The following DPP10 variants were observed in gnomAD, a reference collection of about 807,000 sequenced individuals.
DPP10 encodes dipeptidyl peptidase like 10.
Under a neutral mutation model 120.9 loss-of-function variants are expected in DPP10, and 33 were observed. The observed-to-expected ratio is 0.27, with a 90% CI of 0.21 to 0.37. The LOEUF is 0.37. Ranked by LOEUF, DPP10 falls within the 10% of genes least tolerant of loss-of-function variation. DPP10 has a pLI of 1.00. For missense variants in DPP10, 816 were observed against 942.8 expected (o/e 0.87, Z 1.76); for synonymous variants, 337 against 326.1 (o/e 1.03, Z -0.36).
intron 1 of DPP10, among the ~76,000 whole-genome samples, chr2:114,644,593 C>G (rs1395765612): frequency 6.6e-6 from 1 of 151,840 alleles, no homozygotes; most frequent in Admixed American, 6.6e-5. Flanking sequence ...GCCCTGGAAT[C>G]ACCATTTTTT....
chr2:114,729,730 CTA>C (rs1422488779), intron 1 of DPP10, among the ~76,000 whole-genome samples: 1 of 152,170 alleles, frequency 6.6e-6, no homozygotes, highest in Non-Finnish European at 1.5e-5. Flanking sequence ...GGTATAGAGA[CTA>C]TTGTTGTGAT....
rs538992942 is a variant in DPP10 at position 114,853,196 on chromosome 2, G to A, written c.60+410358G>A. ...GATCTCTGGTAAGGGGCTTGAGTGC[G>A]CTTTCTTGGATATTGGAAATGTTTT... On this transcript the variant is annotated intron_variant, in intron 1 of 25. Coordinates refer to ENST00000410059, the MANE Select transcript of DPP10 (RefSeq NM_020868.6). Among the ~76,000 whole-genome samples, 33 of 152,272 alleles carry A rather than the reference G, an allele frequency of 2.2e-4. 1 individual carries two copies. Among genetic ancestry groups the A allele is most frequent in the Admixed American group, 1.0e-3 (16 of 15,298 alleles).
At chr2:115,244,237 TATAGAGAGAGAGAGAGAGAG>T (rs1225631324) in intron 1 of DPP10, among the ~76,000 whole-genome samples, 20 of 67,096 alleles carry the variant, frequency 3.0e-4, no homozygotes, top group African/African-American at 8.0e-4. Context: ...TATATATATA[TATAGAGAGAGAGAGAGAGAG>T]AGAGAGAGAG....
intron 1 of DPP10, among the ~76,000 whole-genome samples, chr2:114,501,591 C>T (rs150616408): frequency 2.0e-5 from 3 of 152,108 alleles, no homozygotes; most frequent in Non-Finnish European, 4.4e-5. Context: ...TGAAATACCC[C>T]GTTAGCAATC....
intron 3 of DPP10, among the ~76,000 whole-genome samples, chr2:115,379,617 CTTTTCTAGTTCT>C (rs1222566972): frequency 5.9e-5 from 9 of 152,016 alleles, no homozygotes; most frequent in Non-Finnish European, 1.3e-4. Flanking sequence ...TTTGCTCTTG[CTTTTCTAGTTCT>C]TTTAATTGTG....
At chr2:115,478,227 T>G (rs1045150579) in intron 3 of DPP10, among the ~76,000 whole-genome samples, 1 of 152,100 alleles carries the variant, frequency 6.6e-6, no homozygotes, top group African/African-American at 2.4e-5. Context: ...ACCAATGGAA[T>G]AGAATAGAGG....
At chr2:114,855,181 A>G (rs1181230383) in intron 1 of DPP10, among the ~76,000 whole-genome samples, 3 of 152,214 alleles carry the variant, frequency 2.0e-5, no homozygotes, top group Admixed American at 6.5e-5. Context: ...GAAACGACAT[A>G]TTAGAGCAAA....
intron 1 of DPP10, among the ~76,000 whole-genome samples, chr2:115,191,878 A>G (rs144392388): frequency 6.6e-6 from 1 of 152,328 alleles, no homozygotes; most frequent in African/African-American, 2.4e-5. Context: ...AAAGTGGAAG[A>G]TAAACCAAGT....
chr2:114,604,092 A>C (rs1409844179), intron 1 of DPP10, among the ~76,000 whole-genome samples: 1 of 152,072 alleles, frequency 6.6e-6, no homozygotes, highest in Non-Finnish European at 1.5e-5. Flanking sequence ...ATGCCTTCCA[A>C]GGAGTCTAAT....
At chr2:114,544,909 T>A (rs933879537) in intron 1 of DPP10, among the ~76,000 whole-genome samples, 3 of 152,060 alleles carry the variant, frequency 2.0e-5, no homozygotes, top group African/African-American at 7.2e-5. Flanking sequence ...TGCAGTGCAG[T>A]GGCGAGATCT....
intron 1 of DPP10, among the ~76,000 whole-genome samples, chr2:114,452,748 G>A (rs376609310): frequency 2.8e-4 from 43 of 152,212 alleles, no homozygotes; most frequent in African/African-American, 8.4e-4. Context: ...TCCCTTAGTA[G>A]AACACCTCCA....
intron 4 of DPP10, among the ~76,000 whole-genome samples, chr2:115,512,465 TTTC>T (rs1385857557): frequency 6.6e-6 from 1 of 151,998 alleles, no homozygotes; most frequent in African/African-American, 2.4e-5. Context: ...TTTCTTTTCT[TTTC>T]TTCTTTCTTT....
intron 16 of DPP10, among the ~76,000 whole-genome samples, chr2:115,782,055 G>A (rs1575761215): frequency 6.6e-6 from 1 of 151,890 alleles, no homozygotes; most frequent in South Asian, 2.1e-4. Flanking sequence ...GTCTATAAAA[G>A]ACTAGAGATA....
At chr2:115,608,153 A>C (rs2083829802) in intron 5 of DPP10, among the ~76,000 whole-genome samples, 1 of 152,086 alleles carries the variant, frequency 6.6e-6, no homozygotes, top group African/African-American at 2.4e-5. Context: ...TTTGAGAGGC[A>C]GAGGCGGGCA....
intron 1 of DPP10, among the ~76,000 whole-genome samples, chr2:115,159,373 T>C (rs1200417887): frequency 6.6e-6 from 1 of 152,036 alleles, no homozygotes; most frequent in African/African-American, 2.4e-5. Context: ...CAGGAGAATG[T>C]TTCTTTAAAA....
At chr2:115,183,116 A>T (rs1486437676) in intron 1 of DPP10, among the ~76,000 whole-genome samples, 1 of 152,230 alleles carries the variant, frequency 6.6e-6, no homozygotes, top group Non-Finnish European at 1.5e-5. Context: ...TGGAATAATA[A>T]GCCTTGTAGA....
chr2:114,907,820 G>A (rs9646899), intron 1 of DPP10, among the ~76,000 whole-genome samples: 41,889 of 151,862 alleles, frequency 0.28, 6,070 homozygotes, highest in African/African-American at 0.38. Context: ...GGCTTATAGT[G>A]TTGTTCAAAC....
In DPP10 at chr2:115,835,949, C is replaced by A. The variant is rs140351376; in HGVS notation, c.1951-208C>A. Among the ~76,000 whole-genome samples, 833 of 151,980 alleles carry A rather than the reference C, an allele frequency of 5.5e-3. 11 individuals are homozygous for A. The highest frequency in any genetic ancestry group is 0.019 in the African/African-American group (801 of 41,470). ...AACAGCTGTTATATAACAATTTAAA[C>A]AAATGTTCAAAAATCTTAATTGTAC... On this transcript the variant is annotated intron_variant, in intron 21 of 25. Coordinates refer to ENST00000410059, the MANE Select transcript of DPP10 (RefSeq NM_020868.6).
At chr2:114,968,987 G>A (rs992294809) in intron 1 of DPP10, among the ~76,000 whole-genome samples, 11 of 152,136 alleles carry the variant, frequency 7.2e-5, no homozygotes, top group Non-Finnish European at 1.0e-4. Flanking sequence ...AACCAATTCC[G>A]TTCAGATTTG....
Sources: gnomAD v4.1 joint callset for allele counts (sites outside exome capture counted in the v4.1 genomes callset) on GRCh38, gnomAD v4.1.1 for gene constraint, MANE v1.5 for transcripts, NCBI Gene and HGNC (gene_info 2026-07-23, HGNC 2026-07-21) for gene names.